The following NUDT19 variants were observed in gnomAD, a reference collection of about 807,000 sequenced individuals.
The protein encoded by NUDT19 is nudix hydrolase 19, also known as acyl-coenzyme A diphosphatase NUDT19.
A neutral mutation model predicts 22.2 loss-of-function variants in NUDT19; 31 were observed. The observed-to-expected ratio is 1.40, with a 90% confidence interval of 1.05 to 1.89. The LOEUF (loss-of-function observed/expected upper bound fraction) is 1.89. Ranked by LOEUF, NUDT19 falls within the 40% of genes most tolerant of loss-of-function variation. The pLI, the probability that NUDT19 is intolerant of heterozygous loss-of-function variation, is 0.00. For missense variants in NUDT19, 752 were observed against 514.2 expected (o/e 1.46, Z -4.47); for synonymous variants, 325 against 230.8 (o/e 1.41, Z -3.70).
rs3042685 is a variant in NUDT19, at chr19:32,701,199, G to GTTTT, written c.715-7965_715-7962dup. 1.2e-3 allele frequency among the ~76,000 whole-genome samples: 125 copies of GTTTT among 101,018 alleles called. 2 individuals are homozygous for GTTTT. The highest frequency in any genetic ancestry group is 1.6e-3 in the Non-Finnish European group (89 of 54,258). The allele number at this position is 101,018 out of a possible 152,430, so 66.3% of individuals were successfully genotyped here. ...TTGAGTTGTTCATAGCATCTTGCAG[G>GTTTT]TTTTTTTTTTTTTTTTTTTTTTTTG... is the stretch of plus-strand genomic sequence containing the variant. On this transcript the variant is annotated intron_variant, in intron 1 of 2. Coordinates refer to ENST00000397061, the MANE Select transcript of NUDT19 (RefSeq NM_001105570.2).
chr19:32,702,213 G>C (rs966270105), intron 1 of NUDT19, among the ~76,000 whole-genome samples: 1 of 152,138 alleles, frequency 6.6e-6, no homozygotes, highest in Admixed American at 6.6e-5. Flanking sequence ...ACAAAGGCTT[G>C]AGTCAACACC....
At chr19:32,700,518 T>C (rs1968323231) in intron 1 of NUDT19, among the ~76,000 whole-genome samples, 1 of 152,182 alleles carries the variant, frequency 6.6e-6, no homozygotes, top group African/African-American at 2.4e-5. Context: ...TGGCTTCACC[T>C]CTCACTGGGC....
In NUDT19 at chr19:32,713,057, T is replaced by C. The variant is rs762500693; in HGVS notation, c.*1100T>C. 1.3e-5 allele frequency: 2 copies of C among 152,252 alleles called. No individual in the cohort carries two copies. Among genetic ancestry groups the C allele is most frequent in the Non-Finnish European group, 2.9e-5 (2 of 68,042 alleles). 9.4% of individuals were successfully genotyped at this position (152,252 alleles called of 1,614,324 possible). On this transcript the variant is annotated 3_prime_UTR_variant, in exon 3 of 3. Coordinates refer to ENST00000397061, the MANE Select transcript of NUDT19 (RefSeq NM_001105570.2). Reference sequence around the variant, plus strand: ...TGTCATTGTTTTCTTGCTATGTCTTTAGCTTAATGATTAAGATACAATTCT... The same window carrying C: ...TGTCATTGTTTTCTTGCTATGTCTTCAGCTTAATGATTAAGATACAATTCT...
intron 1 of NUDT19, among the ~76,000 whole-genome samples, chr19:32,698,141 A>G (rs1197444785): frequency 1.3e-5 from 2 of 152,206 alleles, no homozygotes; most frequent in East Asian, 3.8e-4. Flanking sequence ...TTCTCCTTCA[A>G]TGAAAAGAAA....
At chr19:32,692,834 C>G (rs1364428345) in intron 1 of NUDT19, among the ~76,000 whole-genome samples, 160 bp downstream of exon 1, 1 of 152,240 alleles carries the variant, frequency 6.6e-6, no homozygotes, top group Non-Finnish European at 1.5e-5. Context: ...CCCCTGTAGA[C>G]CAAAGCCATG....
intron 2 of NUDT19, among the ~76,000 whole-genome samples, chr19:32,710,315 A>G (rs1299562341): frequency 2.0e-5 from 3 of 148,214 alleles, no homozygotes; most frequent in Non-Finnish European, 4.5e-5. Flanking sequence ...TGCCCAGCCA[A>G]CTTTGTTTTT....
intron 1 of NUDT19, among the ~76,000 whole-genome samples, chr19:32,697,419 G>A (rs920285685): frequency 9.9e-5 from 15 of 152,158 alleles, no homozygotes; most frequent in South Asian, 4.1e-4. Flanking sequence ...AAGGCCTCCC[G>A]TAGCTGCTCG....
intron 1 of NUDT19, among the ~76,000 whole-genome samples, chr19:32,701,999 A>C (rs762961055): frequency 1.3e-5 from 2 of 152,188 alleles, no homozygotes; most frequent in African/African-American, 2.4e-5. Context: ...AAAAATACAA[A>C]AATTATCCAG....
In NUDT19 at chr19:32,698,041, G is replaced by A. The variant is rs1968285974; in HGVS notation, c.714+5367G>A. 1.3e-5 allele frequency among the ~76,000 whole-genome samples: 2 copies of A among 152,150 alleles called. 1 individual carries two copies. The highest frequency in any genetic ancestry group is 4.1e-4 in the South Asian group (2 of 4,828). On this transcript the variant is annotated intron_variant, in intron 1 of 2. Coordinates refer to ENST00000397061, the MANE Select transcript of NUDT19 (RefSeq NM_001105570.2). ...CATTAGAGGAGGATTATCATTAATA[G>A]GAAGGGGAGCTATAGGGAGGCTAGG...
chr19:32,699,560 C>T (rs935310905), intron 1 of NUDT19, among the ~76,000 whole-genome samples: 2 of 152,142 alleles, frequency 1.3e-5, no homozygotes, highest in South Asian at 2.1e-4. Flanking sequence ...GCCTGACACC[C>T]GTGTCTTTAG....
Position 32,692,145 on chromosome 19 carries a change from T to C in NUDT19, c.185T>C (p.Phe62Ser). 6.7e-7 allele frequency: 1 copy of C among 1,498,214 alleles called. No individual in the cohort carries two copies. The allele number at this position is 1,498,214 out of a possible 1,614,324, so 92.8% of individuals were successfully genotyped here. A position where few individuals can be genotyped will look rare whatever the true frequency, so the allele number is the denominator to read the frequency against. The change falls in exon 1 of 3, where the codon TTC becomes TCC. Residue 62 changes from phenylalanine (F) to serine (S), a missense_variant. Physicochemically the swap from Phe to Ser is radical, Grantham distance 155. Transcript: ENST00000397061. ...HQGFMPGAHV[F>S]SGGVLDAADR... ...GGCTTCATGCCGGGCGCGCACGTCTTCTCCGGCGGAGTGCTGGATGCGGCC... is the reference window on the plus strand; with the variant it reads ...GGCTTCATGCCGGGCGCGCACGTCTCCTCCGGCGGAGTGCTGGATGCGGCC...
chr19:32,698,089 C>T (rs1025530578), intron 1 of NUDT19, among the ~76,000 whole-genome samples: 2 of 152,150 alleles, frequency 1.3e-5, no homozygotes, highest in Non-Finnish European at 2.9e-5. Context: ...GCTGAGAGGT[C>T]CTCCTGTGGG....
chr19:32,696,196 C>T lies in NUDT19; in HGVS notation c.714+3522C>T, dbSNP rs112532063. ...AGCACTGGTCACTCAAGGAGTAGTG[C>T]CTGGTATCTAAGCAGGTGGTTTTCT... On this transcript the variant is annotated intron_variant, in intron 1 of 2. Coordinates refer to ENST00000397061, the MANE Select transcript of NUDT19 (RefSeq NM_001105570.2). Among the ~76,000 whole-genome samples the T allele has an allele frequency of 4.5e-3, 681 of 152,268 alleles. 5 individuals carry two copies. The highest frequency in any genetic ancestry group is 0.015 in the African/African-American group (631 of 41,554).
chr19:32,704,787 T>C (rs963520983), intron 1 of NUDT19, among the ~76,000 whole-genome samples: 39 of 152,054 alleles, frequency 2.6e-4, no homozygotes, highest in African/African-American at 8.5e-4. Context: ...TGTTGAGTGC[T>C]GAATCTTGTC....
In NUDT19 at chr19:32,711,819, G is replaced by A; in HGVS notation, c.990G>A (p.Glu330=). The part of the protein sequence containing the change: ...ENLMSTEKKT[E]EIMKEGKQFH... ...TTATGTCTACTGAAAAAAAGACTGA[G>A]GAAATCATGAAGGAAGGCAAGCAGT... Residue 330 remains glutamate (E), a synonymous_variant, in exon 3 of 3, where the codon GAG becomes GAA. Transcript: ENST00000397061. The A allele has an allele frequency of 6.2e-6, 10 of 1,613,766 alleles. No individual in the cohort carries two copies. The highest frequency in any genetic ancestry group is 8.5e-6 in the Non-Finnish European group (10 of 1,179,774).
Position 32,692,122 on chromosome 19 carries a change from C to T in NUDT19, c.162C>T (p.Gly54=), listed in dbSNP as rs769492059. The T allele has an allele frequency of 5.5e-6, 8 of 1,465,550 alleles. No individual in the cohort carries two copies. The South Asian group carries it at 9.4e-5, about 17-fold the overall frequency. 90.8% of individuals were successfully genotyped at this position (1,465,550 alleles called of 1,614,324 possible). A position where few individuals can be genotyped will look rare whatever the true frequency, so the allele number is the denominator to read the frequency against. ...TGCTGCAGCGCTCCCCGCACCAAGGCTTCATGCCGGGCGCGCACGTCTTCT... is the reference window on the plus strand; with the variant it reads ...TGCTGCAGCGCTCCCCGCACCAAGGTTTCATGCCGGGCGCGCACGTCTTCT... ...LLLLQRSPHQ[G]FMPGAHVFSG... is the part of the protein sequence containing the mutation. The change falls in exon 1 of 3, where the codon GGC becomes GGT. Residue 54 remains glycine, a synonymous_variant. Transcript: ENST00000397061.
intron 1 of NUDT19, among the ~76,000 whole-genome samples, chr19:32,702,298 C>G (rs991952048): frequency 6.6e-6 from 1 of 152,202 alleles, no homozygotes; most frequent in African/African-American, 2.4e-5. Context: ...CAAGGTTAGT[C>G]TTAGGACCAC....
At chr19:32,703,624 C>T (rs1968357368) in intron 1 of NUDT19, among the ~76,000 whole-genome samples, 2 of 139,632 alleles carry the variant, frequency 1.4e-5, no homozygotes, top group Non-Finnish European at 3.0e-5. Context: ...GTTGAGATCA[C>T]AGGTGTGGGC....
At chr19:32,711,038 C>T (rs774508247) in intron 2 of NUDT19, among the ~76,000 whole-genome samples, 3 of 152,036 alleles carry the variant, frequency 2.0e-5, no homozygotes, top group Non-Finnish European at 4.4e-5. Flanking sequence ...ATCTTAATAT[C>T]AGTATTGAAT....
Sources: gnomAD v4.1 joint callset for allele counts (sites outside exome capture counted in the v4.1 genomes callset) on GRCh38, gnomAD v4.1.1 for gene constraint, MANE v1.5 for transcripts, NCBI Gene and HGNC (gene_info 2026-07-23, HGNC 2026-07-21) for gene names.